VPS72: variants seen among roughly 807,000 people sequenced by gnomAD.
VPS72 encodes vacuolar protein sorting 72 homolog, also known as vacuolar protein sorting-associated protein 72 homolog.
VPS72 carries 27 observed loss-of-function variants against 38.9 expected under a neutral mutation model. The observed-to-expected ratio is 0.69, with a 90% confidence interval of 0.51 to 0.96. The LOEUF is 0.96. Ranked by LOEUF, VPS72 falls within the 40% of genes least tolerant of loss-of-function variation. The pLI is 0.00. For synonymous variants in VPS72, 173 were observed against 186.3 expected, an observed-to-expected ratio of 0.93 and a Z score of 0.58; for missense variants, 360 against 479.5, an observed-to-expected ratio of 0.75 and a Z score of 2.33.
chr1:151,186,731 AG>A (rs1243272504), intron 1 of VPS72, among the ~76,000 whole-genome samples: 1 of 152,230 alleles, frequency 6.6e-6, no homozygotes, highest in Non-Finnish European at 1.5e-5. Flanking sequence ...TTTAGATCTA[AG>A]TAAAACTTTT....
At chr1:151,179,783 C>A (rs915102451) in intron 4 of VPS72, among the ~76,000 whole-genome samples, 12 of 151,432 alleles carry the variant, frequency 7.9e-5, no homozygotes, top group African/African-American at 2.9e-4. Flanking sequence ...TCCCAGCTAC[C>A]GGGAGGCTGA....
intron 4 of VPS72, 94 bp from the exon 5 acceptor site, chr1:151,178,239 GCTAT>G (rs2101721664): frequency 6.9e-7 from 1 of 1,444,514 alleles, no homozygotes; most frequent in East Asian, 2.5e-5. Flanking sequence ...TATCTTCCTG[GCTAT>G]CTAGTCACTG....
chr1:151,177,637 C>T (rs1409287074), intron 5 of VPS72, among the ~76,000 whole-genome samples: 4 of 151,900 alleles, frequency 2.6e-5, no homozygotes, highest in South Asian at 2.1e-4. Flanking sequence ...GAAGATGAAG[C>T]GGGACGATTA....
At chr1:151,186,463 G>A (rs1217129065) in intron 1 of VPS72, among the ~76,000 whole-genome samples, 1 of 151,960 alleles carries the variant, frequency 6.6e-6, no homozygotes, top group African/African-American at 2.4e-5. Context: ...GGAGGTTGAG[G>A]CAGGAGAACT....
In VPS72 at chr1:151,184,496, G is replaced by A; in HGVS notation, c.386-3C>T. On this transcript the variant is annotated splice_polypyrimidine_tract_variant and splice_region_variant and intron_variant, in intron 3 of 5. Coordinates refer to ENST00000368892, the MANE Select transcript of VPS72 (RefSeq NM_005997.3). Reference sequence around the variant, plus strand: ...AGACTGACGCATAGACTTCCGACCTGGAAGAGAGTGAGATAAGAAGAAATC... The same window carrying A: ...AGACTGACGCATAGACTTCCGACCTAGAAGAGAGTGAGATAAGAAGAAATC... 6.2e-7 allele frequency: 1 copy of A among 1,600,838 alleles called. No homozygotes were observed. The highest frequency in any genetic ancestry group is 8.5e-7 in the Non-Finnish European group (1 of 1,171,292).
Position 151,184,408 on chromosome 1 carries a change from C to T in VPS72, c.471G>A (p.Arg157=). The part of the protein sequence containing the change: ...RVQERQGQSR[R]RKGPHCERPL... Reference sequence around the variant, plus strand: ...GCCGCTCACAGTGGGGCCCCTTTCGCCGTCTTGACTGGCCCTGCCTCTCCT... The same window carrying T: ...GCCGCTCACAGTGGGGCCCCTTTCGTCGTCTTGACTGGCCCTGCCTCTCCT... Residue 157 remains arginine (R), a synonymous_variant, in exon 4 of 6, where the codon CGG becomes CGA. Coordinates refer to ENST00000368892, the MANE Select transcript of VPS72 (RefSeq NM_005997.3). 2.5e-6 allele frequency: 4 copies of T among 1,614,076 alleles called. No homozygotes were observed. The highest frequency in any genetic ancestry group is 3.4e-6 in the Non-Finnish European group (4 of 1,180,038).
chr1:151,189,427 G>C (rs1252243565), intron 1 of VPS72, among the ~76,000 whole-genome samples: 1 of 152,174 alleles, frequency 6.6e-6, no homozygotes, highest in Non-Finnish European at 1.5e-5. Context: ...AAAAGCATAA[G>C]CAAGTAAGCA....
At chr1:151,186,390 C>G (rs930861829) in intron 1 of VPS72, among the ~76,000 whole-genome samples, 5 of 151,840 alleles carry the variant, frequency 3.3e-5, no homozygotes, top group Admixed American at 3.3e-4. Flanking sequence ...GAAACTCTGT[C>G]TCTACTAAAA....
chr1:151,179,573 T>C (rs1684195251), intron 4 of VPS72, among the ~76,000 whole-genome samples: 1 of 151,598 alleles, frequency 6.6e-6, no homozygotes, highest in Non-Finnish European at 1.5e-5. Context: ...CACTCCAGCC[T>C]GGGCAAAAGA....
chr1:151,184,295 T>G (rs1684300305), intron 4 of VPS72, 22 bp downstream of exon 4: 1 of 1,611,188 alleles, frequency 6.2e-7, no homozygotes, highest in African/African-American at 1.3e-5. Flanking sequence ...TCTACTCACT[T>G]TTTCTGAAAC....
chr1:151,177,914 G>A (rs1684153340), intron 5 of VPS72, 87 bp downstream of exon 5: 1 of 1,458,210 alleles, frequency 6.9e-7, no homozygotes, highest in African/African-American at 1.4e-5. Flanking sequence ...AAGTGTTAAG[G>A]AGAGCTGTGT....
At chr1:151,179,103 G>A (rs186295763) in intron 4 of VPS72, among the ~76,000 whole-genome samples, 54 of 151,562 alleles carry the variant, frequency 3.6e-4, no homozygotes, top group African/African-American at 1.2e-3. Flanking sequence ...CCAACATGGT[G>A]AAACCCCGTC....
At chr1:151,187,934 C>T (rs1365442044) in intron 1 of VPS72, among the ~76,000 whole-genome samples, 1 of 152,028 alleles carries the variant, frequency 6.6e-6, no homozygotes, top group East Asian at 1.9e-4. Context: ...TATTAAATAA[C>T]AAGTCGTAAA....
At chr1:151,179,555 C>T (rs191609996) in intron 4 of VPS72, among the ~76,000 whole-genome samples, 144 of 151,278 alleles carry the variant, frequency 9.5e-4, no homozygotes, top group Non-Finnish European at 1.7e-3. Context: ...GCTGAGATCG[C>T]GCCACTGCAC....
Position 151,178,106 on chromosome 1 carries a change from A to C in VPS72, c.602T>G (p.Val201Gly), listed in dbSNP as rs1572090360. The change falls in exon 5 of 6, where the codon GTT becomes GGT. Residue 201 changes from valine (V) to glycine (G), a missense_variant. This residue lies in a region of VPS72 where 294 missense variants were observed against 356.3 expected (regional missense o/e 0.83). Transcript: ENST00000368892. ...ERLEADKKKQ[V>G]HKKRKCPGPI... is the part of the protein sequence containing the mutation. Reference sequence around the variant, plus strand: ...CCCGGGGCACTTCCGCTTCTTATGAACCTGCTTCTTTTTATCAGCCTCGAG... The same window carrying C: ...CCCGGGGCACTTCCGCTTCTTATGACCCTGCTTCTTTTTATCAGCCTCGAG... The C allele has an allele frequency of 6.8e-6, 11 of 1,613,946 alleles. No individual in the cohort carries two copies. Among genetic ancestry groups the C allele is most frequent in the Non-Finnish European group, 9.3e-6 (11 of 1,179,968 alleles).
At chr1:151,183,587 A>G (rs1684285770) in intron 4 of VPS72, among the ~76,000 whole-genome samples, 1 of 151,488 alleles carries the variant, frequency 6.6e-6, no homozygotes, top group African/African-American at 2.4e-5. Flanking sequence ...TCAGCCTCCC[A>G]AGTACCTGGG....
At chr1:151,178,173 G>C (rs1253146286) in intron 4 of VPS72, 28 bp from the exon 5 acceptor site, 2 of 1,609,910 alleles carry the variant, frequency 1.2e-6, no homozygotes. Flanking sequence ...GAAATGAGGG[G>C]ATGATCAGAA....
chr1:151,177,951 G>A lies in VPS72; in HGVS notation c.707+50C>T, dbSNP rs779587269. Reference sequence around the variant, plus strand: ...AGAAAAGCAAGCAAAATGGGGCCAAGAGAACATGAGCTGAACACACAATCT... The same window carrying A: ...AGAAAAGCAAGCAAAATGGGGCCAAAAGAACATGAGCTGAACACACAATCT... On this transcript the variant is annotated intron_variant, in intron 5 of 5. Coordinates refer to ENST00000368892, the MANE Select transcript of VPS72 (RefSeq NM_005997.3). 5 of 1,584,564 alleles carry A rather than the reference G, an allele frequency of 3.2e-6. No homozygotes were observed. The South Asian group carries it at 5.7e-5, about 18-fold the overall frequency.
At chr1:151,180,423 ACGC>A (rs1402396550) in intron 4 of VPS72, among the ~76,000 whole-genome samples, 1 of 151,772 alleles carries the variant, frequency 6.6e-6, no homozygotes, top group Admixed American at 6.6e-5. Flanking sequence ...CAGTCTTCCA[ACGC>A]CTCAACCCCT....
Sources: allele counts gnomAD v4.1 joint callset (sites outside exome capture counted in the v4.1 genomes callset), GRCh38; gene constraint gnomAD v4.1.1; regional missense constraint gnomAD v4.1.1; transcripts MANE v1.5; gene names NCBI Gene and HGNC (gene_info 2026-07-23, HGNC 2026-07-21).